SPATA6: variants seen among roughly 807,000 people sequenced by gnomAD.
SPATA6 encodes the protein spermatogenesis associated 6, also known as spermatogenesis-associated protein 6.
SPATA6 carries 56 observed loss-of-function variants against 65.3 expected under a neutral mutation model. The observed-to-expected ratio is 0.86, with a 90% CI of 0.69 to 1.07. The LOEUF (loss-of-function observed/expected upper bound fraction) is 1.07. SPATA6 is among the 50% of genes least tolerant of loss of function. SPATA6 has a pLI of 0.00. For synonymous variants in SPATA6, 199 were observed against 213.2 expected (o/e 0.93, Z 0.58); for missense variants, 590 against 594.8 (o/e 0.99, Z 0.08).
chr1:48,309,200 C>T (rs1645137554), intron 11 of SPATA6, among the ~76,000 whole-genome samples: 1 of 149,754 alleles, frequency 6.7e-6, no homozygotes, highest in Admixed American at 6.7e-5. Flanking sequence ...CCTTCTGTCC[C>T]TTCCTTTCTC....
At chr1:48,362,368 T>C (rs763480109) in intron 9 of SPATA6, among the ~76,000 whole-genome samples, 5 of 152,210 alleles carry the variant, frequency 3.3e-5, no homozygotes, top group Admixed American at 6.6e-5. Flanking sequence ...TTTCTTTTTA[T>C]CAATTTCAAT....
chr1:48,322,759 A>C (rs1483225977), intron 11 of SPATA6, among the ~76,000 whole-genome samples: 1 of 152,250 alleles, frequency 6.6e-6, no homozygotes, highest in South Asian at 2.1e-4. Context: ...AAATGGGTGA[A>C]GGATATGAAC....
At chr1:48,291,420 G>T (rs1048163848), downstream of SPATA6, among the ~76,000 whole-genome samples, 3 of 152,160 alleles carry the variant, frequency 2.0e-5, no homozygotes, top group Non-Finnish European at 4.4e-5. Context: ...GTGGGGGATG[G>T]GGGTGTGGTT....
chr1:48,353,734 G>A (rs1274794771), intron 11 of SPATA6, among the ~76,000 whole-genome samples: 1 of 151,892 alleles, frequency 6.6e-6, no homozygotes, highest in Non-Finnish European at 1.5e-5. Flanking sequence ...AACCTTTCTT[G>A]AAATGTGACC....
intron 4 of SPATA6, among the ~76,000 whole-genome samples, chr1:48,412,023 C>A (rs1557679334): frequency 6.6e-6 from 1 of 152,098 alleles, no homozygotes. Flanking sequence ...TGCGCCACCA[C>A]ACCTAGCTAT....
intron 9 of SPATA6, among the ~76,000 whole-genome samples, chr1:48,367,084 G>C (rs1441821905): frequency 6.6e-6 from 1 of 152,146 alleles, no homozygotes; most frequent in African/African-American, 2.4e-5. Flanking sequence ...AGGTTGTTCA[G>C]TTTCCATGTA....
At chr1:48,293,579 G>T (rs1644782204), downstream of SPATA6, among the ~76,000 whole-genome samples, 1 of 152,110 alleles carries the variant, frequency 6.6e-6, no homozygotes, top group South Asian at 2.1e-4. Flanking sequence ...CTCAAAAGCA[G>T]AAGTACCTTG....
intron 12 of SPATA6, among the ~76,000 whole-genome samples, chr1:48,303,899 G>A (rs1644997545): frequency 6.6e-6 from 1 of 152,118 alleles, no homozygotes; most frequent in Admixed American, 6.5e-5. Context: ...AGGATTTGCT[G>A]AGCTCCTCAC....
intron 11 of SPATA6, among the ~76,000 whole-genome samples, chr1:48,316,309 A>G (rs1645418006): frequency 6.6e-6 from 1 of 152,244 alleles, no homozygotes; most frequent in South Asian, 2.1e-4. Context: ...TAACCAAAAC[A>G]GCATGGTACT....
At chr1:48,347,431 A>ATATATAATATATATGTATATATAATG (rs1646395558) in intron 11 of SPATA6, among the ~76,000 whole-genome samples, 1 of 147,334 alleles carries the variant, frequency 6.8e-6, no homozygotes, top group African/African-American at 2.5e-5. Flanking sequence ...TTATATATAC[A>ATATATAATATATATGTATATATAATG]CATATAATAT....
intron 11 of SPATA6, among the ~76,000 whole-genome samples, chr1:48,309,997 G>A (rs901752461): frequency 6.6e-6 from 1 of 152,120 alleles, no homozygotes; most frequent in South Asian, 2.1e-4. Flanking sequence ...CAAGTACATA[G>A]CCTTGGACAT....
At chr1:48,311,542 AAGAG>A (rs1251511645) in intron 11 of SPATA6, among the ~76,000 whole-genome samples, 13 of 152,310 alleles carry the variant, frequency 8.5e-5, no homozygotes, top group South Asian at 2.1e-4. Context: ...ATAATAAAGA[AAGAG>A]AGTGAATTAG....
chr1:48,466,574 A>G (rs1054801160), intron 1 of SPATA6, among the ~76,000 whole-genome samples: 1 of 152,064 alleles, frequency 6.6e-6, no homozygotes, highest in Non-Finnish European at 1.5e-5. Context: ...ATGCAACATT[A>G]TATTTCTTAA....
At chr1:48,291,267 C>G (rs1644765365), downstream of SPATA6, among the ~76,000 whole-genome samples, 1 of 152,128 alleles carries the variant, frequency 6.6e-6, no homozygotes, top group African/African-American at 2.4e-5. Context: ...TGGGGAGGAT[C>G]AGGTGGTAGG....
rs146746496 is a variant in SPATA6, at chr1:48,339,703, A to C, written c.1194+15967T>G. The stretch of plus-strand genomic sequence containing the variant: ...ACAAGATTAGTGAACTATAAGGTTC[A>C]TAGTAAATATCCACAATAAAATAGC... On this transcript the variant is annotated intron_variant, in intron 11 of 12. Coordinates refer to ENST00000371847, the MANE Select transcript of SPATA6 (RefSeq NM_019073.4). 5.5e-3 allele frequency among the ~76,000 whole-genome samples: 841 copies of C among 152,202 alleles called. 8 individuals are homozygous for C. The highest frequency in any genetic ancestry group is 0.019 in the African/African-American group (793 of 41,568).
intron 1 of SPATA6, among the ~76,000 whole-genome samples, chr1:48,470,128 T>G (rs906621935): frequency 6.6e-6 from 1 of 152,214 alleles, no homozygotes; most frequent in Non-Finnish European, 1.5e-5. Context: ...TACAGTGAAT[T>G]ACACAGTCAT....
At chr1:48,332,523 CAAG>C (rs1211029061) in intron 11 of SPATA6, among the ~76,000 whole-genome samples, 3 of 152,150 alleles carry the variant, frequency 2.0e-5, no homozygotes, top group Non-Finnish European at 2.9e-5. Context: ...CTTAATTCAA[CAAG>C]AAGACCTAAA....
At chr1:48,414,697 T>C (rs1652596327) in intron 3 of SPATA6, among the ~76,000 whole-genome samples, 1 of 152,112 alleles carries the variant, frequency 6.6e-6, no homozygotes, top group South Asian at 2.1e-4. Context: ...GTAGAACACC[T>C]CCCTCTCCTC....
intron 11 of SPATA6, among the ~76,000 whole-genome samples, chr1:48,333,321 A>G (rs1645968157): frequency 6.6e-6 from 1 of 152,128 alleles, no homozygotes; most frequent in Admixed American, 6.5e-5. Flanking sequence ...TCTTGGATAT[A>G]CACCAGTGGT....
Sources: allele counts gnomAD v4.1 joint callset (sites outside exome capture counted in the v4.1 genomes callset), GRCh38; gene constraint gnomAD v4.1.1; transcripts MANE v1.5; gene names NCBI Gene and HGNC (gene_info 2026-07-23, HGNC 2026-07-21).